The following DNAJC5G variants were observed in gnomAD, a reference collection of about 807,000 sequenced individuals.
The protein encoded by DNAJC5G is dnaJ homolog subfamily C member 5G.
A neutral mutation model predicts 19.1 loss-of-function variants in DNAJC5G; 13 were observed. The ratio of observed to expected loss-of-function variants is 0.68; its 90% CI spans 0.44 to 1.08. The LOEUF (loss-of-function observed/expected upper bound fraction) is 1.08. Ranked by LOEUF, DNAJC5G falls within the 50% of genes least tolerant of loss-of-function variation. DNAJC5G has a pLI of 0.00. For missense variants in DNAJC5G, 245 were observed against 230.4 expected, an observed-to-expected ratio of 1.06 and a Z score of -0.41; for synonymous variants, 81 against 84.4, an observed-to-expected ratio of 0.96 and a Z score of 0.22.
At chr2:27,278,128 G>A in intron 4 of DNAJC5G, 60 bp from the exon 5 acceptor site, 1 of 1,611,526 alleles carries the variant, frequency 6.2e-7, no homozygotes, top group Non-Finnish European at 8.5e-7. Flanking sequence ...TTGAGGGAGG[G>A]AAGCTTGAGC....
At chr2:27,276,925 T>A in intron 3 of DNAJC5G, 84 bp downstream of exon 3, 9 of 283,712 alleles carry the variant, frequency 3.2e-5, no homozygotes, top group East Asian at 1.3e-4. Context: ...ATCTGACTCT[T>A]TTTTTTTTTT....
intron 2 of DNAJC5G, 163 bp downstream of exon 2, chr2:27,276,550 C>T (rs1558574084): frequency 1.8e-6 from 1 of 552,008 alleles, no homozygotes; most frequent in East Asian, 3.1e-5. Context: ...TCTTTCTGAT[C>T]ACCTGAATTC....
intron 2 of DNAJC5G, 23 bp from the exon 3 acceptor site, chr2:27,276,703 A>T: frequency 6.2e-7 from 1 of 1,606,802 alleles, no homozygotes; most frequent in Non-Finnish European, 8.5e-7. Flanking sequence ...GTTCTCACAG[A>T]TGCTGCTTCT....
chr2:27,276,639 G>T (rs1200240979), intron 2 of DNAJC5G, 87 bp from the exon 3 acceptor site: 8 of 1,132,946 alleles, frequency 7.1e-6, no homozygotes, highest in Non-Finnish European at 1.0e-5. Flanking sequence ...ATCCCTGAAG[G>T]TAGTGAGTTT....
At chr2:27,277,248 C>CTGTTTGTT (rs1678136453) in intron 3 of DNAJC5G, among the ~76,000 whole-genome samples, 1 of 128,538 alleles carries the variant, frequency 7.8e-6, no homozygotes, top group African/African-American at 3.7e-5. Context: ...GGCCTACGAC[C>CTGTTTGTT]CGTTTGTTTG....
chr2:27,278,353 C>T (rs1461863912), intron 5 of DNAJC5G, 21 bp downstream of exon 5: 1 of 1,613,476 alleles, frequency 6.2e-7, no homozygotes, highest in East Asian at 2.2e-5. Flanking sequence ...CAAGCAGGGA[C>T]TGTGAGGTAA....
intron 3 of DNAJC5G, 48 bp downstream of exon 3, chr2:27,276,889 CT>C: frequency 2.8e-6 from 4 of 1,425,842 alleles, no homozygotes; most frequent in South Asian, 2.5e-5. Flanking sequence ...CCCCTTAAAC[CT>C]TTTTCTTTCT....
At position 27,281,405 on chromosome 2, in the gene DNAJC5G, CA is replaced by C. The variant is rs1383847926; in HGVS notation, c.*996del. 1 of 152,276 alleles carries C rather than the reference CA, an allele frequency of 6.6e-6. No individual in the cohort carries two copies. The highest frequency in any genetic ancestry group is 1.9e-4 in the East Asian group (1 of 5,334). The allele number at this position is 152,276 out of a possible 1,614,324, so 9.4% of individuals were successfully genotyped here. On this transcript the variant is annotated 3_prime_UTR_variant, in exon 7 of 7. Transcript: ENST00000296097. ...GACTAGGAGAAAGGCTAAAGAATGT[CA>C]GTAAATAAAAGAGCTTTCATCCAAT...
At chr2:27,279,916 C>G in intron 5 of DNAJC5G, among the ~76,000 whole-genome samples, 1 of 149,942 alleles carries the variant, frequency 6.7e-6, no homozygotes. Context: ...GAGTGAGACC[C>G]TGTATCAAAA....
chr2:27,276,923 CT>C (rs574019537), intron 3 of DNAJC5G, 82 bp downstream of exon 3: 88,056 of 512,628 alleles, frequency 0.17, 53 homozygotes, highest in South Asian at 0.19. Flanking sequence ...CTATCTGACT[CT>C]TTTTTTTTTT....
Position 27,275,546 on chromosome 2 carries a change from A to C in DNAJC5G, c.-293A>C. The C allele has an allele frequency of 1.0e-5, 3 of 297,754 alleles. No homozygotes were observed. The highest frequency in any genetic ancestry group is 2.9e-5 in the South Asian group (1 of 34,062). 18.4% of individuals were successfully genotyped at this position (297,754 alleles called of 1,614,324 possible). A position where few individuals can be genotyped will look rare whatever the true frequency, so the allele number is the denominator to read the frequency against. On this transcript the variant is annotated 5_prime_UTR_variant, in exon 1 of 7. Coordinates refer to ENST00000296097, the MANE Select transcript of DNAJC5G (RefSeq NM_173650.3). ...GGCACCCACCTGGCTTAAGAGAACGACTCCCAGGTAAAGGGCCAGACCCAG... is the reference window on the plus strand; with the variant it reads ...GGCACCCACCTGGCTTAAGAGAACGCCTCCCAGGTAAAGGGCCAGACCCAG...
rs200566664 is a variant in DNAJC5G at position 27,280,128 on chromosome 2, C to A, written c.521-38C>A. On this transcript the variant is annotated intron_variant, in intron 5 of 6. Transcript: ENST00000296097. ...CAGTACACTACGAAAAGTTACTAAA[C>A]GTTTGTATATGTAAACATATATATA... The A allele has an allele frequency of 4.8e-5, 76 of 1,592,686 alleles. No homozygotes were observed. The East Asian group carries it at 1.5e-3, about 31-fold the overall frequency.
rs1167257280 is a variant in DNAJC5G at position 27,276,718 on chromosome 2, T to A, written c.-3-8T>A. On this transcript the variant is annotated splice_region_variant and splice_polypyrimidine_tract_variant and intron_variant, in intron 2 of 6. Coordinates refer to ENST00000296097, the MANE Select transcript of DNAJC5G (RefSeq NM_173650.3). ...GTTCTCACAGATGCTGCTTCTCCTC[T>A]GGCTCAGATCATGTCTACTGTGAAG... The A allele has an allele frequency of 6.2e-7, 1 of 1,611,966 alleles. No homozygotes were observed. Among genetic ancestry groups the A allele is most frequent in the Non-Finnish European group, 8.5e-7 (1 of 1,179,332 alleles).
Position 27,278,242 on chromosome 2 carries a change from T to C in DNAJC5G, c.430T>C (p.Cys144Arg). 6.2e-7 allele frequency: 1 copy of C among 1,614,202 alleles called. No homozygotes were observed. Residue 144 changes from cysteine to arginine, a missense_variant, in exon 5 of 7, where the codon TGT becomes CGT. Physicochemically the swap from Cys to Arg is radical, Grantham distance 180. Transcript: ENST00000296097. Reference sequence around the variant, plus strand: ...TTGTTGCTGTTTCTGTTGTTGCTGCTGTTTTTGCTGTGGAGCACTTAAACC... The same window carrying C: ...TTGTTGCTGTTTCTGTTGTTGCTGCCGTTTTTGCTGTGGAGCACTTAAACC... ...LTCCCFCCCCCFCCGALKPPP... is the reference protein window; with the variant it reads ...LTCCCFCCCCRFCCGALKPPP...
chr2:27,280,673 C>T lies in DNAJC5G; in HGVS notation c.*263C>T, dbSNP rs977345977. ...TTCAGTTGCAGTCCCAATTTTACTC[C>T]GTCAGAAAGCAGCCCTCCCCTCCCT... On this transcript the variant is annotated 3_prime_UTR_variant, in exon 7 of 7. Transcript: ENST00000296097. 6.5e-6 allele frequency: 1 copy of T among 154,394 alleles called. No individual in the cohort carries two copies. The highest frequency in any genetic ancestry group is 1.4e-5 in the Non-Finnish European group (1 of 69,088). 9.6% of individuals were successfully genotyped at this position (154,394 alleles called of 1,614,324 possible).
Position 27,278,683 on chromosome 2 carries a change from CAAA to C in DNAJC5G, c.520+374_520+376del, listed in dbSNP as rs1180058010. ...TGGGAGACAGAGCAAGACTCCATCT[CAAA>C]AAAAAAAAAAAAAAAAAAAAAAGAA... On this transcript the variant is annotated intron_variant, in intron 5 of 6. Coordinates refer to ENST00000296097, the MANE Select transcript of DNAJC5G (RefSeq NM_173650.3). Among the ~76,000 whole-genome samples, 6 of 26,738 alleles carry C rather than the reference CAAA, an allele frequency of 2.2e-4. No homozygotes were observed. The South Asian group carries it at 6.8e-3, about 30-fold the overall frequency. The allele number at this position is 26,738 out of a possible 152,430, so 17.5% of individuals were successfully genotyped here.
At chr2:27,280,031 A>G (rs1161411681) in intron 5 of DNAJC5G, 135 bp from the exon 6 acceptor site, 3 of 755,718 alleles carry the variant, frequency 4.0e-6, no homozygotes, top group Admixed American at 2.2e-5. Context: ...GAACTTTTAT[A>G]AGCTGATTGA....
At position 27,277,557 on chromosome 2, in the gene DNAJC5G, C is replaced by T. The variant is rs986272077; in HGVS notation, c.114-197C>T. On this transcript the variant is annotated intron_variant, in intron 3 of 6. Transcript: ENST00000296097. The stretch of plus-strand genomic sequence containing the variant: ...GATTACAGGTGTGAGCCAGTGCTCC[C>T]AGCCCTATGACCCATTTTTAAGTTC... Among the ~76,000 whole-genome samples, 4 of 152,186 alleles carry T rather than the reference C, an allele frequency of 2.6e-5. No homozygotes were observed. The East Asian group carries it at 7.7e-4, about 29-fold the overall frequency.
chr2:27,276,438 C>G, intron 2 of DNAJC5G, 51 bp downstream of exon 2: 1 of 281,514 alleles, frequency 3.6e-6, no homozygotes, highest in Middle Eastern at 1.1e-3. Context: ...TTAGACCTCT[C>G]CCTGCTTACA....
Sources: gnomAD v4.1 joint callset for allele counts (sites outside exome capture counted in the v4.1 genomes callset) on GRCh38, gnomAD v4.1.1 for gene constraint, MANE v1.5 for transcripts, NCBI Gene and HGNC (gene_info 2026-07-23, HGNC 2026-07-21) for gene names.